The following LRRC4C variants were observed in gnomAD, a reference collection of about 807,000 sequenced individuals.
The protein encoded by LRRC4C is leucine-rich repeat-containing protein 4C.
Under a neutral mutation model 33.6 loss-of-function variants are expected in LRRC4C, and 5 were observed. The observed-to-expected ratio is 0.15, with a 90% CI of 0.08 to 0.31. The LOEUF is 0.31. Among genes scored for constraint, LRRC4C ranks in the 10% least tolerant of loss-of-function variants. The probability of loss-of-function intolerance (pLI) is 1.00; values close to 1 mark genes in which losing one functional copy is unlikely to be tolerated. For synonymous variants in LRRC4C, 329 were observed against 302.0 expected (o/e 1.09, Z -0.93); for missense variants, 560 against 796.7 (o/e 0.70, Z 3.58).
intron 6 of LRRC4C, among the ~76,000 whole-genome samples, chr11:40,124,919 A>T (rs1276302702): frequency 6.6e-6 from 1 of 152,060 alleles, no homozygotes; most frequent in Non-Finnish European, 1.5e-5. Context: ...TGTATCCCAT[A>T]AATATATACA....
At chr11:41,059,622 C>T (rs1858918927) in intron 1 of LRRC4C, among the ~76,000 whole-genome samples, 1 of 152,160 alleles carries the variant, frequency 6.6e-6, no homozygotes, top group East Asian at 1.9e-4. Flanking sequence ...TTTACAGACT[C>T]CCCTTATGTA....
chr11:41,015,443 C>T (rs1855512935), intron 1 of LRRC4C, among the ~76,000 whole-genome samples: 1 of 152,114 alleles, frequency 6.6e-6, no homozygotes, highest in South Asian at 2.1e-4. Context: ...ATTCTCCTGC[C>T]TCAGCCTCCT....
intron 2 of LRRC4C, among the ~76,000 whole-genome samples, chr11:40,816,999 T>C (rs1405127151): frequency 6.6e-6 from 1 of 152,118 alleles, no homozygotes; most frequent in Non-Finnish European, 1.5e-5. Context: ...AGTATGTCTC[T>C]TTTTCCATCG....
chr11:40,305,597 A>G (rs1043539980), intron 4 of LRRC4C, among the ~76,000 whole-genome samples: 1 of 150,004 alleles, frequency 6.7e-6, no homozygotes, highest in African/African-American at 2.5e-5. Flanking sequence ...TTGTATTTAC[A>G]TTTGTCAAAT....
At chr11:41,221,739 G>T (rs1051883880) in intron 1 of LRRC4C, among the ~76,000 whole-genome samples, 2 of 152,132 alleles carry the variant, frequency 1.3e-5, no homozygotes, top group South Asian at 2.1e-4. Context: ...ATATTGGAAA[G>T]AATAAATTTA....
intron 3 of LRRC4C, among the ~76,000 whole-genome samples, chr11:40,549,801 A>T (rs1365824077): frequency 6.6e-6 from 1 of 152,126 alleles, no homozygotes; most frequent in Non-Finnish European, 1.5e-5. Context: ...GTGAAAGGGG[A>T]TTGGATAAAG....
At chr11:40,297,105 C>T (rs957083741) in intron 4 of LRRC4C, among the ~76,000 whole-genome samples, 2 of 152,092 alleles carry the variant, frequency 1.3e-5, no homozygotes, top group Non-Finnish European at 2.9e-5. Flanking sequence ...ATCTTGTAAT[C>T]AGAAATACAA....
At chr11:40,894,213 A>G (rs1028910290) in intron 2 of LRRC4C, among the ~76,000 whole-genome samples, 1 of 152,136 alleles carries the variant, frequency 6.6e-6, no homozygotes, top group Non-Finnish European at 1.5e-5. Flanking sequence ...AAGATTCAAA[A>G]CGTATTGATA....
At chr11:40,331,276 TG>T (rs1946351591) in intron 3 of LRRC4C, among the ~76,000 whole-genome samples, 1 of 152,164 alleles carries the variant, frequency 6.6e-6, no homozygotes, top group Non-Finnish European at 1.5e-5. Context: ...TCCCACTACT[TG>T]GTATACATCC....
chr11:40,342,650 C>G (rs996481284), intron 3 of LRRC4C, among the ~76,000 whole-genome samples: 2 of 152,086 alleles, frequency 1.3e-5, no homozygotes, highest in African/African-American at 4.8e-5. Context: ...AAAAATAATA[C>G]TAATGAAACA....
intron 1 of LRRC4C, among the ~76,000 whole-genome samples, chr11:41,109,326 T>C (rs1941694232): frequency 6.6e-6 from 1 of 152,078 alleles, no homozygotes; most frequent in Non-Finnish European, 1.5e-5. Context: ...ACTGTTTGTC[T>C]TTTAAAGCAA....
At chr11:41,180,254 C>A (rs2136148758) in intron 1 of LRRC4C, among the ~76,000 whole-genome samples, 1 of 152,214 alleles carries the variant, frequency 6.6e-6, no homozygotes, top group African/African-American at 2.4e-5. Context: ...AGCCAGATCA[C>A]AATATTGTGC....
intron 3 of LRRC4C, among the ~76,000 whole-genome samples, chr11:40,335,578 T>C (rs565795438): frequency 6.6e-6 from 1 of 152,362 alleles, no homozygotes; most frequent in Admixed American, 6.5e-5. Context: ...CTTAGAAATT[T>C]AGTTATGACA....
chr11:41,108,707 C>T (rs957351659), intron 1 of LRRC4C, among the ~76,000 whole-genome samples: 1 of 152,018 alleles, frequency 6.6e-6, no homozygotes, highest in African/African-American at 2.4e-5. Flanking sequence ...AAATTATCGA[C>T]CCTTGACAAA....
At chr11:40,416,096 C>T (rs1487914385) in intron 3 of LRRC4C, among the ~76,000 whole-genome samples, 1 of 152,142 alleles carries the variant, frequency 6.6e-6, no homozygotes, top group Admixed American at 6.5e-5. Context: ...ACAAACCCAC[C>T]ATGACAGGCT....
intron 3 of LRRC4C, among the ~76,000 whole-genome samples, chr11:40,625,611 C>T (rs989712520): frequency 5.3e-5 from 8 of 152,066 alleles, no homozygotes; most frequent in South Asian, 2.1e-4. Context: ...GGGACACAGC[C>T]GAACCATATC....
chr11:41,167,082 T>G (rs1418726593), intron 1 of LRRC4C, among the ~76,000 whole-genome samples: 1 of 152,158 alleles, frequency 6.6e-6, no homozygotes, highest in Admixed American at 6.5e-5. Flanking sequence ...GTGACATACA[T>G]TTTGCTCAGA....
At chr11:40,961,560 G>A (rs1424894419) in intron 1 of LRRC4C, among the ~76,000 whole-genome samples, 1 of 151,726 alleles carries the variant, frequency 6.6e-6, no homozygotes, top group East Asian at 1.9e-4. Context: ...AATAGCTATA[G>A]ATTATATGGG....
At chr11:40,684,479 T>C (rs1489248207) in intron 2 of LRRC4C, among the ~76,000 whole-genome samples, 1 of 151,828 alleles carries the variant, frequency 6.6e-6, no homozygotes, top group Non-Finnish European at 1.5e-5. Flanking sequence ...TTAAGAAAAA[T>C]TGAATTTTCA....
Sources: allele counts gnomAD v4.1 joint callset (sites outside exome capture counted in the v4.1 genomes callset), GRCh38; gene constraint gnomAD v4.1.1; transcripts MANE v1.5; gene names NCBI Gene and HGNC (gene_info 2026-07-23, HGNC 2026-07-21).